Variants in NLRC4 observed in about 807,000 individuals in gnomAD.
NLRC4 encodes the protein NLR family CARD domain-containing protein 4.
Under a neutral mutation model 79.9 loss-of-function variants are expected in NLRC4, and 63 were observed. That is an observed-to-expected ratio of 0.79 (90% confidence interval 0.64 to 0.97). NLRC4 has a LOEUF of 0.97. Ranked by LOEUF, NLRC4 falls within the 50% of genes least tolerant of loss-of-function variation. The pLI, the probability that NLRC4 is intolerant of heterozygous loss-of-function variation, is 0.00. For synonymous variants in NLRC4, 461 were observed against 456.5 expected, an observed-to-expected ratio of 1.01 and a Z score of -0.12; for missense variants, 1,074 against 1,215.2, an observed-to-expected ratio of 0.88 and a Z score of 1.73.
intron 4 of NLRC4, among the ~76,000 whole-genome samples, chr2:32,246,665 T>C (rs1284802221): frequency 6.6e-6 from 1 of 152,260 alleles, no homozygotes; most frequent in Non-Finnish European, 1.5e-5. Context: ...TATTTGGAAT[T>C]TGGGGAAGTA....
At chr2:32,235,018 G>A (rs781194233) in intron 8 of NLRC4, among the ~76,000 whole-genome samples, 22 of 152,128 alleles carry the variant, frequency 1.4e-4, no homozygotes, top group Non-Finnish European at 3.2e-4. Flanking sequence ...GATATTTTGT[G>A]GCTCTATTTA....
intron 8 of NLRC4, among the ~76,000 whole-genome samples, chr2:32,225,571 A>C (rs971155000): frequency 6.6e-6 from 1 of 152,162 alleles, no homozygotes; most frequent in African/African-American, 2.4e-5. Context: ...ACCATCATAC[A>C]GATTGGCCAG....
In NLRC4 at chr2:32,235,479, GT is replaced by G; in HGVS notation, c.2703del (p.Lys901AsnfsTer14). 1 of 1,614,092 alleles carries G rather than the reference GT, an allele frequency of 6.2e-7. No individual in the cohort carries two copies. The highest frequency in any genetic ancestry group is 2.2e-5 in the East Asian group (1 of 44,876). The part of the protein sequence containing the change: ...DVQGSLSSLL[K>X]HLEEVPQLVK... Reference sequence around the variant, plus strand: ...ACGAGTTGTGGGACCTCCTCCAAATGTTTCAACAGGCTGCTCAGGCTGCCTT... The same window carrying G: ...ACGAGTTGTGGGACCTCCTCCAAATGTTCAACAGGCTGCTCAGGCTGCCTT... On this transcript the variant is annotated frameshift_variant, in exon 8 of 9. Coordinates refer to ENST00000402280, the MANE Select transcript of NLRC4 (RefSeq NM_001199138.2). LOFTEE classifies it high-confidence loss of function.
intron 2 of NLRC4, among the ~76,000 whole-genome samples, chr2:32,253,981 A>AAC (rs1687147272): frequency 6.6e-6 from 1 of 151,360 alleles, no homozygotes; most frequent in Admixed American, 6.6e-5. Flanking sequence ...AAAAAAAAAA[A>AAC]AAAGTACGTG....
At position 32,261,316 on chromosome 2, in the gene NLRC4, C is replaced by CCCCTTTTTTTTTTTTTTTTTTTTTTT; in HGVS notation, c.-119+3421_-119+3422insAAAAAAAAAAAAAAAAAAAAAAAGGG. On this transcript the variant is annotated intron_variant, in intron 1 of 8. Transcript: ENST00000402280. The stretch of plus-strand genomic sequence containing the variant: ...TTCTTTCGCCTATTAAGCCTCCCCC[C>CCCCTTTTTTTTTTTTTTTTTTTTTTT]TTTTGTTTTTTTTTGAGATGGAGCC... 6.4e-4 allele frequency among the ~76,000 whole-genome samples: 62 copies of CCCCTTTTTTTTTTTTTTTTTTTTTTT among 96,876 alleles called. 2 individuals carry two copies. Among genetic ancestry groups the CCCCTTTTTTTTTTTTTTTTTTTTTTT allele is most frequent in the Non-Finnish European group, 1.0e-3 (48 of 48,106 alleles). The allele number at this position is 96,876 out of a possible 152,430, so 63.6% of individuals were successfully genotyped here.
At position 32,256,000 on chromosome 2, in the gene NLRC4, CGA is replaced by C. The variant is rs1350296312; in HGVS notation, c.1+773_1+774del. Reference sequence around the variant, plus strand: ...CTGCACTCCAGCCTGGGCTACAGAGCGAGACTCCATCTCACACAAAAAAAAAA... The same window carrying C: ...CTGCACTCCAGCCTGGGCTACAGAGCGACTCCATCTCACACAAAAAAAAAA... On this transcript the variant is annotated intron_variant, in intron 2 of 8. Transcript: ENST00000402280. 1.5e-4 allele frequency among the ~76,000 whole-genome samples: 23 copies of C among 149,834 alleles called. No homozygotes were observed. In the Admixed American group the frequency reaches 1.5e-3, roughly 10 times the overall value.
At chr2:32,248,636 A>C (rs965982107) in intron 4 of NLRC4, among the ~76,000 whole-genome samples, 1 of 152,154 alleles carries the variant, frequency 6.6e-6, no homozygotes, top group African/African-American at 2.4e-5. Context: ...CCTGGGAAAC[A>C]TAGTGAGACC....
chr2:32,252,113 G>A (rs558550847), intron 3 of NLRC4, among the ~76,000 whole-genome samples: 1 of 152,324 alleles, frequency 6.6e-6, no homozygotes, highest in South Asian at 2.1e-4. Flanking sequence ...TCCAACCAGG[G>A]AATGCTGAGA....
chr2:32,237,441 C>G (rs1686698495), intron 6 of NLRC4, among the ~76,000 whole-genome samples: 1 of 152,138 alleles, frequency 6.6e-6, no homozygotes, highest in Non-Finnish European at 1.5e-5. Flanking sequence ...TCTCATATTC[C>G]CAGTACTTAT....
intron 8 of NLRC4, among the ~76,000 whole-genome samples, chr2:32,225,922 A>C (rs1686380953): frequency 6.6e-6 from 1 of 152,192 alleles, no homozygotes; most frequent in Non-Finnish European, 1.5e-5. Flanking sequence ...GTAATATTAG[A>C]TAATGTTCCA....
At chr2:32,264,224 A>G (rs910194614) in intron 1 of NLRC4, among the ~76,000 whole-genome samples, 1 of 152,090 alleles carries the variant, frequency 6.6e-6, no homozygotes, top group African/African-American at 2.4e-5. Context: ...TCACGAGGTC[A>G]GGAGTTGAGA....
chr2:32,265,207 G>A (rs1193694458), upstream of NLRC4, among the ~76,000 whole-genome samples: 3 of 151,444 alleles, frequency 2.0e-5, no homozygotes, highest in African/African-American at 4.9e-5. Flanking sequence ...TTGAGACAGA[G>A]TCTTGTTCTG....
At position 32,249,951 on chromosome 2, in the gene NLRC4, T is replaced by G. The variant is rs1159949085; in HGVS notation, c.1913A>C (p.Glu638Ala). 1 of 1,614,200 alleles carries G rather than the reference T, an allele frequency of 6.2e-7. No individual in the cohort carries two copies. The highest frequency in any genetic ancestry group is 1.1e-5 in the South Asian group (1 of 91,078). Reference protein sequence around the residue: ...AEDTGGIHMEEAPETYIPSRA... With the variant: ...AEDTGGIHMEAAPETYIPSRA... ...GCTGGGAATGTAGGTTTCTGGGGCCTCTTCCATGTGGATTCCACCTGTGTC... is the reference window on the plus strand; with the variant it reads ...GCTGGGAATGTAGGTTTCTGGGGCCGCTTCCATGTGGATTCCACCTGTGTC... The change falls in exon 4 of 9, where the codon GAG becomes GCG. Residue 638 changes from glutamate (E) to alanine (A), a missense_variant. Transcript: ENST00000402280.
chr2:32,244,890 GAGGAGGAGGAGGAGA>G (rs1686894421), intron 4 of NLRC4, among the ~76,000 whole-genome samples: 1 of 151,482 alleles, frequency 6.6e-6, no homozygotes, highest in African/African-American at 2.4e-5. Flanking sequence ...GAGGAAGAAG[GAGGAGGAGGAGGAGA>G]AGGAGGAGGA....
intron 2 of NLRC4, among the ~76,000 whole-genome samples, chr2:32,255,671 C>G (rs1049250743): frequency 1.3e-5 from 2 of 151,936 alleles, no homozygotes; most frequent in African/African-American, 4.8e-5. Context: ...ATTTAAAAGA[C>G]TCATTATATT....
intron 3 of NLRC4, among the ~76,000 whole-genome samples, chr2:32,252,200 T>G (rs1258088128): frequency 1.3e-5 from 2 of 152,204 alleles, no homozygotes; most frequent in Non-Finnish European, 2.9e-5. Flanking sequence ...ACTCAATCAT[T>G]TATTTCCTGG....
At chr2:32,240,575 C>G (rs1686776467) in intron 5 of NLRC4, among the ~76,000 whole-genome samples, 2 of 152,020 alleles carry the variant, frequency 1.3e-5, no homozygotes, top group South Asian at 4.2e-4. Flanking sequence ...TGGGGAAACA[C>G]AACCTGCAGT....
chr2:32,231,812 G>A (rs926731169), intron 8 of NLRC4, among the ~76,000 whole-genome samples: 8 of 149,554 alleles, frequency 5.3e-5, no homozygotes, highest in South Asian at 2.1e-4. Flanking sequence ...TGCCCACTTC[G>A]GCCTCCCAGA....
rs751575722 is a variant in NLRC4, at chr2:32,250,358, G to A, written c.1506C>T (p.Thr502=). 6.2e-7 allele frequency: 1 copy of A among 1,614,172 alleles called. No homozygotes were observed. The highest frequency in any genetic ancestry group is 2.2e-5 in the East Asian group (1 of 44,888). Residue 502 remains threonine, a synonymous_variant, in exon 4 of 9, where the codon ACC becomes ACT. Transcript: ENST00000402280. This position sits in a 1 kb window ranked among gnomAD's most constrained non-coding sequence, Gnocchi z 4.9. ...CTGCGAGGTGCTTCATAACAGCCCT[G>A]GTGGCTTCCACAGATGACCCACAGG... is the stretch of plus-strand genomic sequence containing the variant. The part of the protein sequence containing the change: ...RYTCGSSVEA[T]RAVMKHLAAV...
Sources: gnomAD v4.1 joint callset for allele counts (sites outside exome capture counted in the v4.1 genomes callset) on GRCh38, gnomAD v4.1.1 for gene constraint, Gnocchi (gnomAD v3.1) non-coding constraint, MANE v1.5 for transcripts, NCBI Gene and HGNC (gene_info 2026-07-23, HGNC 2026-07-21) for gene names.